The following ACER3 variants were observed in gnomAD, a reference collection of about 807,000 sequenced individuals.
ACER3 encodes the protein alkCDase 3.
A neutral mutation model predicts 48.9 loss-of-function variants in ACER3; 16 were observed. The observed-to-expected ratio is 0.33, with a 90% CI of 0.22 to 0.50. The LOEUF is 0.50. Among genes scored for constraint, ACER3 ranks in the 20% least tolerant of loss-of-function variants. The pLI is 0.98. For synonymous variants in ACER3, 109 were observed against 107.8 expected (o/e 1.01, Z -0.07); for missense variants, 227 against 326.0 (o/e 0.70, Z 2.34).
intron 1 of ACER3, among the ~76,000 whole-genome samples, chr11:76,892,794 A>T (rs1945839566): frequency 6.6e-6 from 1 of 152,246 alleles, no homozygotes; most frequent in Non-Finnish European, 1.5e-5. Flanking sequence ...AAATAAATTC[A>T]GAAAGTCTTA....
intron 2 of ACER3, chr11:76,957,610 A>G: frequency 3.6e-6 from 1 of 278,446 alleles, no homozygotes; most frequent in African/African-American, 2.3e-5. Flanking sequence ...TGTCTGGCTA[A>G]TTTTTATATT....
rs190014292 is a variant in ACER3 at position 76,894,517 on chromosome 11, G to C, written c.104-32040G>C. On this transcript the variant is annotated intron_variant, in intron 1 of 10. Coordinates refer to ENST00000532485, the MANE Select transcript of ACER3 (RefSeq NM_018367.7). Reference sequence around the variant, plus strand: ...TCTGCCTCTTACTGGTTGAGCAGCTGTTGGTAAGTCATTTAATCTTTGGAG... The same window carrying C: ...TCTGCCTCTTACTGGTTGAGCAGCTCTTGGTAAGTCATTTAATCTTTGGAG... Among the ~76,000 whole-genome samples, 48 of 152,250 alleles carry C rather than the reference G, an allele frequency of 3.2e-4. No homozygotes were observed. The East Asian group carries it at 8.9e-3, about 28-fold the overall frequency.
chr11:76,957,537 A>G (rs72639140), intron 2 of ACER3: 49,869 of 437,282 alleles, frequency 0.11, 3,577 homozygotes, highest in East Asian at 0.36. Flanking sequence ...TCCATTTCCC[A>G]GGTTTACGCG....
In ACER3 at chr11:76,868,383, C is replaced by CTGTGTGTG. The variant is rs1336087249; in HGVS notation, c.103+7305_103+7306insGTGTGTGT. The CTGTGTGTG allele has an allele frequency of 2.9e-3, 1,517 of 525,252 alleles. 14 individuals are homozygous for CTGTGTGTG. The highest frequency in any genetic ancestry group is 0.011 in the East Asian group (120 of 11,294). The allele number at this position is 525,252 out of a possible 1,614,324, so 32.5% of individuals were successfully genotyped here. A position where few individuals can be genotyped will look rare whatever the true frequency, so the allele number is the denominator to read the frequency against. The stretch of plus-strand genomic sequence containing the variant: ...AAGAGTTTAGTTTTAATATCTCTCT[C>CTGTGTGTG]TCTCTCTCTGTGTGTGTGTGTGTGT... On this transcript the variant is annotated intron_variant, in intron 1 of 10. Transcript: ENST00000532485.
At chr11:76,932,680 AT>A (rs1171957282) in intron 2 of ACER3, among the ~76,000 whole-genome samples, 1 of 152,220 alleles carries the variant, frequency 6.6e-6, no homozygotes, top group African/African-American at 2.4e-5. Flanking sequence ...AGGAAAACAA[AT>A]AGAACTACGT....
intron 9 of ACER3, among the ~76,000 whole-genome samples, chr11:77,018,705 G>A (rs1332946457): frequency 6.6e-6 from 1 of 152,204 alleles, no homozygotes; most frequent in Non-Finnish European, 1.5e-5. Context: ...TAGTAGTCTG[G>A]ATAAAAGATC....
intron 1 of ACER3, among the ~76,000 whole-genome samples, chr11:76,922,043 A>G (rs1946697062): frequency 6.6e-6 from 1 of 152,166 alleles, no homozygotes; most frequent in African/African-American, 2.4e-5. Context: ...GAGGACCACT[A>G]TCTAGCTCTT....
intron 4 of ACER3, 72 bp from the exon 5 acceptor site, chr11:76,985,571 G>A: frequency 1.1e-6 from 1 of 944,606 alleles, no homozygotes; most frequent in Admixed American, 3.2e-5. Context: ...ATAGGCAAGT[G>A]GTAAAGCAGC....
intron 3 of ACER3, among the ~76,000 whole-genome samples, chr11:76,962,998 A>G (rs1948036467): frequency 6.6e-6 from 1 of 151,454 alleles, no homozygotes; most frequent in Admixed American, 6.5e-5. Flanking sequence ...GGCAAGATAG[A>G]GCAGCTTGGA....
At chr11:76,978,887 A>T (rs1419450647) in intron 4 of ACER3, among the ~76,000 whole-genome samples, 3 of 152,230 alleles carry the variant, frequency 2.0e-5, no homozygotes, top group African/African-American at 7.2e-5. Flanking sequence ...GCAGGCTTAC[A>T]TGGAGCCAGT....
At chr11:76,877,773 T>C (rs1945423011) in intron 1 of ACER3, among the ~76,000 whole-genome samples, 1 of 152,152 alleles carries the variant, frequency 6.6e-6, no homozygotes, top group African/African-American at 2.4e-5. Context: ...CCCATCTTCT[T>C]CCTTTTCCTC....
At chr11:76,886,879 T>C (rs1945687268) in intron 1 of ACER3, among the ~76,000 whole-genome samples, 1 of 152,168 alleles carries the variant, frequency 6.6e-6, no homozygotes, top group Admixed American at 6.5e-5. Context: ...GGTTTTGGCA[T>C]GTTGCCCAGG....
intron 1 of ACER3, among the ~76,000 whole-genome samples, chr11:76,870,881 G>T (rs1472390887): frequency 3.3e-5 from 5 of 152,116 alleles, no homozygotes; most frequent in African/African-American, 1.2e-4. Context: ...GGATAAATGT[G>T]ATTTTTGAAA....
At chr11:76,928,016 G>C (rs1946876823) in intron 2 of ACER3, among the ~76,000 whole-genome samples, 1 of 152,082 alleles carries the variant, frequency 6.6e-6, no homozygotes, top group Non-Finnish European at 1.5e-5. Flanking sequence ...TCTAGTTCTA[G>C]ATCCTCAAGG....
At chr11:77,005,297 A>G (rs1358081711) in intron 7 of ACER3, among the ~76,000 whole-genome samples, 1 of 152,094 alleles carries the variant, frequency 6.6e-6, no homozygotes, top group Non-Finnish European at 1.5e-5. Flanking sequence ...TAGTGTGTCT[A>G]TAGTGCTTAT....
chr11:77,024,416 TATC>T lies in ACER3; in HGVS notation c.*4091_*4093del, dbSNP rs1555025281. The T allele has an allele frequency of 2.6e-5, 4 of 152,134 alleles. No individual in the cohort carries two copies. Among genetic ancestry groups the T allele is most frequent in the Non-Finnish European group, 2.9e-5 (2 of 68,062 alleles). The allele number at this position is 152,134 out of a possible 1,614,324, so 9.4% of individuals were successfully genotyped here. ...CTGGACTTCACCATTTCTCCAAAAT[TATC>T]AGCCCAGTCAGCTTCATATACCCAG... On this transcript the variant is annotated 3_prime_UTR_variant, in exon 11 of 11. Coordinates refer to ENST00000532485, the MANE Select transcript of ACER3 (RefSeq NM_018367.7).
At chr11:76,965,838 C>T (rs12806114) in intron 3 of ACER3, among the ~76,000 whole-genome samples, 29 of 151,334 alleles carry the variant, frequency 1.9e-4, no homozygotes, top group Non-Finnish European at 3.8e-4. Context: ...CAACCGGTAC[C>T]AGCCACTGCA....
chr11:76,987,957 A>C (rs920461157), intron 5 of ACER3, among the ~76,000 whole-genome samples: 1 of 152,192 alleles, frequency 6.6e-6, no homozygotes, highest in Non-Finnish European at 1.5e-5. Flanking sequence ...ACAAAGACTA[A>C]AAGTACAACC....
intron 1 of ACER3, among the ~76,000 whole-genome samples, chr11:76,882,802 T>A (rs1945561700): frequency 6.6e-6 from 1 of 152,244 alleles, no homozygotes; most frequent in Admixed American, 6.5e-5. Flanking sequence ...TTGACTGACT[T>A]GACTTGAACT....
Sources: gnomAD v4.1 joint callset for allele counts (sites outside exome capture counted in the v4.1 genomes callset) on GRCh38, gnomAD v4.1.1 for gene constraint, MANE v1.5 for transcripts, NCBI Gene and HGNC (gene_info 2026-07-23, HGNC 2026-07-21) for gene names.